Variants in ABAT observed in about 807,000 individuals in gnomAD.
ABAT encodes the protein 4-aminobutyrate aminotransferase, mitochondrial.
Under a neutral mutation model 64.6 loss-of-function variants are expected in ABAT, and 45 were observed. That is an observed-to-expected ratio of 0.70 (90% CI 0.55 to 0.89). The LOEUF (loss-of-function observed/expected upper bound fraction) is 0.89, where lower values mean the gene tolerates loss of function less well. Among genes scored for constraint, ABAT ranks in the 40% least tolerant of loss-of-function variants. The probability of loss-of-function intolerance (pLI) is 0.00; values close to 1 mark genes in which losing one functional copy is unlikely to be tolerated. For synonymous variants in ABAT, 297 were observed against 250.5 expected, an observed-to-expected ratio of 1.19 and a Z score of -1.75; for missense variants, 633 against 658.4, an observed-to-expected ratio of 0.96 and a Z score of 0.42.
intron 4 of ABAT, among the ~76,000 whole-genome samples, chr16:8,749,358 A>T (rs1596453481): frequency 8.8e-6 from 1 of 113,420 alleles, no homozygotes; most frequent in African/African-American, 3.3e-5. Context: ...AAAGTGCTGG[A>T]TTACAGGCGT....
intron 1 of ABAT, among the ~76,000 whole-genome samples, chr16:8,703,186 C>G (rs972177123): frequency 6.6e-6 from 1 of 152,052 alleles, no homozygotes; most frequent in African/African-American, 2.4e-5. Flanking sequence ...GTGGCTCACA[C>G]CTGTAATCCC....
chr16:8,688,111 C>T (rs1298744432), intron 1 of ABAT, among the ~76,000 whole-genome samples: 1 of 151,978 alleles, frequency 6.6e-6, no homozygotes, highest in Non-Finnish European at 1.5e-5. Context: ...GCTATGTTGC[C>T]AAGGCTGGTC....
intron 1 of ABAT, among the ~76,000 whole-genome samples, chr16:8,691,585 G>C (rs528674148): frequency 6.6e-6 from 1 of 152,052 alleles, no homozygotes; most frequent in Non-Finnish European, 1.5e-5. Flanking sequence ...AATTACAGTC[G>C]TGCACCACCA....
chr16:8,708,926 A>G (rs1640978), intron 1 of ABAT, among the ~76,000 whole-genome samples: 105,896 of 152,042 alleles, frequency 0.7, 37,581 homozygotes, highest in East Asian at 0.85. Flanking sequence ...GTTTACACTC[A>G]CTTTAGGTGT....
chr16:8,728,836 T>G (rs554537305), intron 1 of ABAT, among the ~76,000 whole-genome samples: 20 of 152,276 alleles, frequency 1.3e-4, no homozygotes, highest in Non-Finnish European at 2.5e-4. Flanking sequence ...ATCACGCCAC[T>G]GTACTCCAGC....
At chr16:8,745,712 A>G (rs1329928967) in intron 2 of ABAT, among the ~76,000 whole-genome samples, 1 of 152,034 alleles carries the variant, frequency 6.6e-6, no homozygotes, top group Non-Finnish European at 1.5e-5. Context: ...AAAAATGAAT[A>G]AATAAATACA....
At chr16:8,769,078 C>A in intron 11 of ABAT, 105 bp downstream of exon 11, 1 of 1,491,760 alleles carries the variant, frequency 6.7e-7, no homozygotes, top group Non-Finnish European at 9.3e-7. Context: ...ATCTGGGGAT[C>A]TGTGCAGTGC....
intron 1 of ABAT, among the ~76,000 whole-genome samples, chr16:8,731,006 A>C (rs560220886): frequency 6.6e-6 from 1 of 152,362 alleles, no homozygotes; most frequent in Non-Finnish European, 1.5e-5. Context: ...TCTATCACCC[A>C]GACTGGAGTG....
chr16:8,760,530 T>C (rs1164911490), intron 6 of ABAT: 2 of 152,192 alleles, frequency 1.3e-5, no homozygotes, highest in African/African-American at 4.8e-5. Context: ...CTCCGATTAG[T>C]TGAGAGGTTT....
intron 1 of ABAT, among the ~76,000 whole-genome samples, chr16:8,732,527 C>T (rs577990618): frequency 2.2e-4 from 34 of 151,564 alleles, no homozygotes; most frequent in African/African-American, 8.1e-4. Flanking sequence ...TCAGAGAGCA[C>T]GGGGTTGGGG....
intron 2 of ABAT, among the ~76,000 whole-genome samples, chr16:8,745,128 A>T (rs531940678): frequency 6.6e-6 from 1 of 152,100 alleles, no homozygotes; most frequent in African/African-American, 2.4e-5. Flanking sequence ...AACTAAAGGC[A>T]TGTACCACCA....
chr16:8,699,040 T>C (rs975976455), intron 1 of ABAT, among the ~76,000 whole-genome samples: 3 of 152,174 alleles, frequency 2.0e-5, no homozygotes, highest in Non-Finnish European at 4.4e-5. Flanking sequence ...GTCTTTGGGG[T>C]ATGTACCTAG....
At chr16:8,724,911 C>CTCTCTT (rs2058496657) in intron 1 of ABAT, among the ~76,000 whole-genome samples, 1 of 114,812 alleles carries the variant, frequency 8.7e-6, no homozygotes, top group Non-Finnish European at 1.7e-5. Context: ...ACTCCAATAT[C>CTCTCTT]TCTTTTTTCT....
Position 8,775,008 on chromosome 16 carries a change from A to T in ABAT, c.1073A>T (p.Lys358Met), listed in dbSNP as rs2060224894. The stretch of plus-strand genomic sequence containing the variant: ...GCAGACGTGATGACCTTCAGCAAGA[A>T]GATGATGACTGGGGGCTTCTTCCAC... ...DPADVMTFSK[K>M]MMTGGFFHKE... is the part of the protein sequence containing the mutation. Residue 358 changes from lysine (K) to methionine (M), a missense_variant, in exon 13 of 16, where the codon AAG becomes ATG. By Grantham distance (95) the Lys-to-Met change is moderately conservative. Transcript: ENST00000268251. 1 of 1,614,230 alleles carries T rather than the reference A, an allele frequency of 6.2e-7. No individual in the cohort carries two copies. Among genetic ancestry groups the T allele is most frequent in the Non-Finnish European group, 8.5e-7 (1 of 1,180,046 alleles).
At chr16:8,768,694 G>T (rs770312864) in intron 10 of ABAT, 131 bp from the exon 11 acceptor site, 2 of 1,222,240 alleles carry the variant, frequency 1.6e-6, no homozygotes, top group South Asian at 1.2e-5. Context: ...AAAAGAACTG[G>T]GGTTTCACAG....
intron 1 of ABAT, among the ~76,000 whole-genome samples, chr16:8,728,847 C>T (rs1449969657): frequency 6.6e-6 from 1 of 152,204 alleles, no homozygotes; most frequent in Admixed American, 6.5e-5. Flanking sequence ...GTACTCCAGC[C>T]TGGCAACAGA....
chr16:8,760,953 C>T (rs986477008), intron 6 of ABAT, among the ~76,000 whole-genome samples: 1 of 152,068 alleles, frequency 6.6e-6, no homozygotes, highest in South Asian at 2.1e-4. Context: ...GTGGTGCATA[C>T]CTGTAGTCCC....
rs79889928 is a variant in ABAT, at chr16:8,691,049, A to G, written c.-42+16338A>G. ...ATAAGTATTGGCAGTGTGTTGGGGGAAAAAAAAAAACCCTGAAAAATAGAA... is the reference window on the plus strand; with the variant it reads ...ATAAGTATTGGCAGTGTGTTGGGGGGAAAAAAAAAACCCTGAAAAATAGAA... On this transcript the variant is annotated intron_variant, in intron 1 of 15. Coordinates refer to ENST00000268251, the MANE Select transcript of ABAT (RefSeq NM_020686.6). 4.0e-3 allele frequency among the ~76,000 whole-genome samples: 349 copies of G among 87,772 alleles called. 3 individuals are homozygous for G. Among genetic ancestry groups the G allele is most frequent in the African/African-American group, 0.015 (336 of 22,426 alleles). 57.6% of individuals were successfully genotyped at this position (87,772 alleles called of 152,430 possible). A position where few individuals can be genotyped will look rare whatever the true frequency, so the allele number is the denominator to read the frequency against.
At chr16:8,741,279 C>T (rs565110430) in intron 2 of ABAT, among the ~76,000 whole-genome samples, 1 of 152,244 alleles carries the variant, frequency 6.6e-6, no homozygotes, top group Non-Finnish European at 1.5e-5. Context: ...TCAAAATTTG[C>T]CTTTAGGAGA....
Sources: allele counts gnomAD v4.1 joint callset (sites outside exome capture counted in the v4.1 genomes callset), GRCh38; gene constraint gnomAD v4.1.1; transcripts MANE v1.5; gene names NCBI Gene and HGNC (gene_info 2026-07-23, HGNC 2026-07-21).